The following YTHDC2 variants were observed in gnomAD, a reference collection of about 807,000 sequenced individuals.
YTHDC2 encodes YTH N6-methyladenosine RNA binding protein C2, also known as 3'-5' RNA helicase YTHDC2.
YTHDC2 carries 45 observed loss-of-function variants against 174.9 expected under a neutral mutation model. The ratio of observed to expected loss-of-function variants is 0.26; its 90% CI spans 0.20 to 0.33. The LOEUF (loss-of-function observed/expected upper bound fraction) is 0.33. Among genes scored for constraint, YTHDC2 ranks in the 10% least tolerant of loss-of-function variants. The pLI is 1.00. For synonymous variants in YTHDC2, 657 were observed against 574.5 expected (o/e 1.14, Z -2.05); for missense variants, 1,650 against 1,723.7 (o/e 0.96, Z 0.76).
Position 113,587,499 on chromosome 5 carries a change from T to TAA in YTHDC2, c.3825+3021_3825+3022insAA, listed in dbSNP as rs1778751671. 9.7e-5 allele frequency among the ~76,000 whole-genome samples: 13 copies of TAA among 133,886 alleles called. 1 individual carries two copies. Among genetic ancestry groups the TAA allele is most frequent in the African/African-American group, 3.3e-4 (12 of 35,912 alleles). The allele number at this position is 133,886 out of a possible 152,430, so 87.8% of individuals were successfully genotyped here. A position where few individuals can be genotyped will look rare whatever the true frequency, so the allele number is the denominator to read the frequency against. ...ATATATTATGTATTCATATAATATA[T>TAA]ATAATGTATTTATATGTAATATATA... is the stretch of plus-strand genomic sequence containing the variant. On this transcript the variant is annotated intron_variant, in intron 26 of 29. Coordinates refer to ENST00000161863, the MANE Select transcript of YTHDC2 (RefSeq NM_022828.5).
At position 113,564,042 on chromosome 5, in the gene YTHDC2, G is replaced by A. The variant is rs200786247; in HGVS notation, c.2626G>A (p.Ala876Thr). 1.2e-6 allele frequency: 2 copies of A among 1,614,052 alleles called. No homozygotes were observed. The highest frequency in any genetic ancestry group is 1.7e-5 in the Admixed American group (1 of 59,994). ...YRDPFVLPTQ[A>T]SQKRAAMLCR... ...AGATCCTTTTGTACTACCTACTCAG[G>A]CCTCTCAAAAACGTGCAGCTATGCT... Residue 876 changes from alanine to threonine, a missense_variant, in exon 20 of 30, where the codon GCC becomes ACC. Ala to Thr is a moderately conservative substitution (Grantham distance 58, BLOSUM62 0). Transcript: ENST00000161863.
chr5:113,581,094 CA>C (rs2112791272), intron 24 of YTHDC2, among the ~76,000 whole-genome samples: 1 of 152,264 alleles, frequency 6.6e-6, no homozygotes, highest in South Asian at 2.1e-4. Context: ...GGATGTTCTA[CA>C]GGCACTAAAA....
At chr5:113,527,256 A>G (rs1441860828) in intron 4 of YTHDC2, among the ~76,000 whole-genome samples, 1 of 152,302 alleles carries the variant, frequency 6.6e-6, no homozygotes, top group Admixed American at 6.5e-5. Context: ...CATTTTGCAT[A>G]TAGGAACCAA....
intron 24 of YTHDC2, chr5:113,579,901 C>T (rs1244801519): frequency 1.0e-6 from 1 of 985,240 alleles, no homozygotes; most frequent in Admixed American, 6.2e-5. Context: ...AGTTGTGGCT[C>T]ATTATTTAAG....
chr5:113,591,595 T>C (rs1779009313), intron 27 of YTHDC2, among the ~76,000 whole-genome samples: 1 of 152,148 alleles, frequency 6.6e-6, no homozygotes, highest in African/African-American at 2.4e-5. Context: ...AAACTAAGTA[T>C]GTTTCTTAAC....
chr5:113,587,605 T>C (rs1243739884), intron 26 of YTHDC2, among the ~76,000 whole-genome samples: 2 of 145,592 alleles, frequency 1.4e-5, no homozygotes, highest in Non-Finnish European at 3.0e-5. Context: ...ATTTATGACA[T>C]ATTATTATAT....
At chr5:113,543,674 A>C (rs192438903) in intron 10 of YTHDC2, among the ~76,000 whole-genome samples, 1 of 152,338 alleles carries the variant, frequency 6.6e-6, no homozygotes, top group East Asian at 1.9e-4. Flanking sequence ...TGTGGATAAA[A>C]ATCAAAGTCC....
At chr5:113,549,510 A>T (rs1478709161) in intron 12 of YTHDC2, among the ~76,000 whole-genome samples, 2 of 152,178 alleles carry the variant, frequency 1.3e-5, no homozygotes, top group Non-Finnish European at 2.9e-5. Context: ...CCTTTGAGTG[A>T]AGCAGTAAAA....
At chr5:113,560,318 A>G (rs965108572) in intron 17 of YTHDC2, among the ~76,000 whole-genome samples, 4 of 152,224 alleles carry the variant, frequency 2.6e-5, no homozygotes, top group Non-Finnish European at 4.4e-5. Context: ...TGGTGTCATC[A>G]CTTACAAAAG....
At chr5:113,562,277 G>GGTGTGT (rs899167363) in intron 18 of YTHDC2, among the ~76,000 whole-genome samples, 1 of 117,350 alleles carries the variant, frequency 8.5e-6, no homozygotes, top group Admixed American at 9.0e-5. Flanking sequence ...GGTGTGTGTG[G>GGTGTGT]GTGTGTGTGT....
At chr5:113,529,780 C>T (rs1356895899) in intron 4 of YTHDC2, among the ~76,000 whole-genome samples, 1 of 151,486 alleles carries the variant, frequency 6.6e-6, no homozygotes, top group East Asian at 1.9e-4. Context: ...ATAATTTCTC[C>T]CAATTTTTTG....
At chr5:113,517,909 G>A (rs1773577875) in intron 2 of YTHDC2, among the ~76,000 whole-genome samples, 1 of 151,642 alleles carries the variant, frequency 6.6e-6, no homozygotes, top group Non-Finnish European at 1.5e-5. Context: ...ATTTTTTTGA[G>A]ATGGAGTCTT....
intron 2 of YTHDC2, among the ~76,000 whole-genome samples, chr5:113,520,768 T>A (rs908160454): frequency 3.3e-5 from 5 of 152,222 alleles, no homozygotes; most frequent in Non-Finnish European, 7.3e-5. Flanking sequence ...GGATATAGTT[T>A]ATTTTTCAAC....
At chr5:113,523,134 A>G (rs769134301) in intron 2 of YTHDC2, among the ~76,000 whole-genome samples, 6 of 152,114 alleles carry the variant, frequency 3.9e-5, no homozygotes, top group Non-Finnish European at 7.4e-5. Flanking sequence ...GTCAGTGTTT[A>G]GTTAATAGAT....
chr5:113,559,995 A>G (rs1359673218), intron 17 of YTHDC2, among the ~76,000 whole-genome samples: 3 of 152,216 alleles, frequency 2.0e-5, no homozygotes, highest in Non-Finnish European at 2.9e-5. Context: ...TTATTATGAC[A>G]GTGTTTTGAG....
intron 26 of YTHDC2, among the ~76,000 whole-genome samples, chr5:113,589,408 A>AAATATATATATATATATAT (rs368975720): frequency 9.7e-5 from 12 of 123,224 alleles, no homozygotes; most frequent in African/African-American, 2.4e-4. Flanking sequence ...AAAAAAAAAA[A>AAATATATATATATATATAT]ATATATATAT....
chr5:113,518,399 A>C (rs1222561000), intron 2 of YTHDC2, among the ~76,000 whole-genome samples: 1 of 147,338 alleles, frequency 6.8e-6, no homozygotes, highest in Non-Finnish European at 1.5e-5. Flanking sequence ...ACAGCATCTC[A>C]TTATGTTGCT....
intron 17 of YTHDC2, among the ~76,000 whole-genome samples, chr5:113,560,124 GT>G (rs1194930970): frequency 1.2e-3 from 188 of 152,300 alleles, no homozygotes; most frequent in Non-Finnish European, 1.8e-4. Context: ...TTTTATGAAA[GT>G]TTTTGTGGGA....
At chr5:113,588,765 G>A (rs1325199854) in intron 26 of YTHDC2, among the ~76,000 whole-genome samples, 1 of 151,864 alleles carries the variant, frequency 6.6e-6, no homozygotes, top group African/African-American at 2.4e-5. Flanking sequence ...TGGGATTACA[G>A]GCATGTGCCA....
Sources: gnomAD v4.1 joint callset for allele counts (sites outside exome capture counted in the v4.1 genomes callset) on GRCh38, gnomAD v4.1.1 for gene constraint, MANE v1.5 for transcripts, NCBI Gene and HGNC (gene_info 2026-07-23, HGNC 2026-07-21) for gene names.